GABARAPL1: variants seen among roughly 807,000 people sequenced by gnomAD.
GABARAPL1 encodes the protein GABA type A receptor associated protein like 1, also known as gamma-aminobutyric acid receptor-associated protein-like 1.
In GABARAPL1, 4 loss-of-function variants were observed where a neutral mutation model predicts 14.5. That is an observed-to-expected ratio of 0.28 (90% CI 0.14 to 0.63). The LOEUF is 0.63. Ranked by LOEUF, GABARAPL1 falls within the 30% of genes least tolerant of loss-of-function variation. GABARAPL1 has a pLI of 0.84. For synonymous variants in GABARAPL1, 47 were observed against 50.6 expected (o/e 0.93, Z 0.30); for missense variants, 82 against 139.2 (o/e 0.59, Z 2.07).
At chr12:10,218,603 A>G (rs2137589435) in intron 2 of GABARAPL1, among the ~76,000 whole-genome samples, 1 of 152,244 alleles carries the variant, frequency 6.6e-6, no homozygotes, top group East Asian at 1.9e-4. Flanking sequence ...GTTCTTTCCC[A>G]TCACCATGTC....
rs561133615 is a variant in GABARAPL1 at position 10,220,638 on chromosome 12, T to A, written c.288+80T>A. ...CTAGCCCTTGTTCTAGATGCGTTGA[T>A]AACACATCTGAGAAGTGGGGCAGAA... On this transcript the variant is annotated intron_variant, in intron 3 of 3. Coordinates refer to ENST00000266458, the MANE Select transcript of GABARAPL1 (RefSeq NM_031412.4). 3,672 of 1,601,830 alleles carry A rather than the reference T, an allele frequency of 2.3e-3. 15 individuals are homozygous for A. The highest frequency in any genetic ancestry group is 2.3e-3 in the Non-Finnish European group (2,652 of 1,173,288).
rs780977650 is a variant in GABARAPL1, at chr12:10,221,806, A to G, written c.308A>G (p.Tyr103Cys). 4 of 1,613,888 alleles carry G rather than the reference A, an allele frequency of 2.5e-6. No individual in the cohort carries two copies. Among genetic ancestry groups the G allele is most frequent in the East Asian group, 2.2e-5 (1 of 44,876 alleles). Reference sequence around the variant, plus strand: ...CCCTAGGACAATCATGAGGAAGACTATTTTCTGTATGTGGCCTACAGTGAT... The same window carrying G: ...CCCTAGGACAATCATGAGGAAGACTGTTTTCTGTATGTGGCCTACAGTGAT... The part of the protein sequence containing the change: ...QLYEDNHEED[Y>C]FLYVAYSDES... Residue 103 changes from tyrosine to cysteine, a missense_variant, in exon 4 of 4, where the codon TAT (tyrosine) becomes TGT (cysteine). This residue lies in a region of GABARAPL1 where 65 missense variants were observed against 103.7 expected (regional missense o/e 0.63). Coordinates refer to ENST00000266458, the MANE Select transcript of GABARAPL1 (RefSeq NM_031412.4).
At chr12:10,220,667 G>T (rs2137591671) in intron 3 of GABARAPL1, 109 bp downstream of exon 3, 1 of 1,568,024 alleles carries the variant, frequency 6.4e-7, no homozygotes, top group East Asian at 2.4e-5. Context: ...GGCAGAAGGT[G>T]TTATTTATCC....
chr12:10,221,167 C>A, intron 3 of GABARAPL1: 1 of 969,876 alleles, frequency 1.0e-6, no homozygotes, highest in Non-Finnish European at 1.2e-6. Context: ...ATTATCTGGG[C>A]ACAATGAATC....
chr12:10,214,028 C>T, intron 1 of GABARAPL1: 1 of 348,516 alleles, frequency 2.9e-6, no homozygotes, highest in Non-Finnish European at 6.0e-6. Context: ...GCGTTTTCCC[C>T]ATTACCCCCT....
intron 2 of GABARAPL1, among the ~76,000 whole-genome samples, chr12:10,219,766 G>A (rs960042211): frequency 6.6e-6 from 1 of 151,974 alleles, no homozygotes; most frequent in Non-Finnish European, 1.5e-5. Flanking sequence ...TCGCCATTGC[G>A]CTTTCAGCCT....
intron 3 of GABARAPL1, 90 bp from the exon 4 acceptor site, chr12:10,221,697 T>C: frequency 1.4e-6 from 2 of 1,431,132 alleles, no homozygotes; most frequent in Non-Finnish European, 1.9e-6. Context: ...ATACCTTCCA[T>C]ACCTGCTTTA....
Position 10,220,566 on chromosome 12 carries a change from T to C in GABARAPL1, c.288+8T>C. 1 of 1,614,050 alleles carries C rather than the reference T, an allele frequency of 6.2e-7. No homozygotes were observed. Among genetic ancestry groups the C allele is most frequent in the Non-Finnish European group, 8.5e-7 (1 of 1,179,970 alleles). On this transcript the variant is annotated splice_region_variant and intron_variant, in intron 3 of 3. Coordinates refer to ENST00000266458, the MANE Select transcript of GABARAPL1 (RefSeq NM_031412.4). ...ATGGGCCAACTGTATGAGGTAATGGTTCTGGTTGCACAATACTGGATGCCG... is the reference window on the plus strand; with the variant it reads ...ATGGGCCAACTGTATGAGGTAATGGCTCTGGTTGCACAATACTGGATGCCG...
At chr12:10,216,476 G>A (rs1424933021) in intron 1 of GABARAPL1, among the ~76,000 whole-genome samples, 3 of 147,706 alleles carry the variant, frequency 2.0e-5, no homozygotes, top group Non-Finnish European at 3.0e-5. Context: ...TTTTTTCTGC[G>A]TCTTCACTTT....
rs769039978 is a variant in GABARAPL1, at chr12:10,218,100, A to T, written c.128A>T (p.Asp43Val). 2.5e-5 allele frequency: 41 copies of T among 1,611,374 alleles called. No homozygotes were observed. The highest frequency in any genetic ancestry group is 4.0e-5 in the African/African-American group (3 of 74,830). Reference sequence around the variant, plus strand: ...AAGGCTCCAAAAGCCAGGGTGCCTGATCTGGACAAGAGGAAGTACCTAGTG... The same window carrying T: ...AAGGCTCCAAAAGCCAGGGTGCCTGTTCTGGACAAGAGGAAGTACCTAGTG... The part of the protein sequence containing the change: ...VEKAPKARVP[D>V]LDKRKYLVPS... Residue 43 changes from aspartate (D) to valine (V), a missense_variant, in exon 2 of 4, where the codon GAT becomes GTT. Transcript: ENST00000266458.
rs1343407650 is a variant in GABARAPL1, at chr12:10,220,542, T to C, written c.272T>C (p.Met91Thr). The C allele has an allele frequency of 1.9e-6, 3 of 1,613,996 alleles. No individual in the cohort carries two copies. The highest frequency in any genetic ancestry group is 1.3e-5 in the African/African-American group (1 of 74,924). ...ACCATCCCTCCCACCAGTGCTACCA[T>C]GGGCCAACTGTATGAGGTAATGGTT... The part of the protein sequence containing the change: ...NNTIPPTSAT[M>T]GQLYEDNHEE... The change falls in exon 3 of 4, where the codon ATG becomes ACG. Residue 91 changes from methionine to threonine, a missense_variant. Met to Thr is a moderately conservative substitution (Grantham distance 81, BLOSUM62 -1). This residue lies in a region of GABARAPL1 where 65 missense variants were observed against 103.7 expected (regional missense o/e 0.63). Transcript: ENST00000266458.
rs980023080 is a variant in GABARAPL1, at chr12:10,212,950, C to T, written c.-180C>T. On this transcript the variant is annotated 5_prime_UTR_variant, in exon 1 of 4. Transcript: ENST00000266458. ...TGGCTCTCCTCTACCTCCAGGCAGG[C>T]TCACCCGAGATCCCCGCCCCGAACC... The T allele has an allele frequency of 3.4e-6, 2 of 587,190 alleles. No homozygotes were observed. Among genetic ancestry groups the T allele is most frequent in the Non-Finnish European group, 3.1e-6 (1 of 324,178 alleles). 36.4% of individuals were successfully genotyped at this position (587,190 alleles called of 1,614,324 possible). A position where few individuals can be genotyped will look rare whatever the true frequency, so the allele number is the denominator to read the frequency against.
chr12:10,216,048 C>G (rs1390927510), intron 1 of GABARAPL1, among the ~76,000 whole-genome samples: 1 of 151,970 alleles, frequency 6.6e-6, no homozygotes, highest in Non-Finnish European at 1.5e-5. Flanking sequence ...CATATCAATA[C>G]CATGACTTTG....
chr12:10,215,194 T>G (rs1949080868), intron 1 of GABARAPL1, among the ~76,000 whole-genome samples: 1 of 152,138 alleles, frequency 6.6e-6, no homozygotes, highest in South Asian at 2.1e-4. Context: ...AAAAGAGGGT[T>G]AGAGTAATGA....
Position 10,220,562 on chromosome 12 carries a change from A to C in GABARAPL1, c.288+4A>C. 6.2e-7 allele frequency: 1 copy of C among 1,614,050 alleles called. No homozygotes were observed. Among genetic ancestry groups the C allele is most frequent in the Non-Finnish European group, 8.5e-7 (1 of 1,179,960 alleles). On this transcript the variant is annotated splice_donor_region_variant and intron_variant, in intron 3 of 3. Coordinates refer to ENST00000266458, the MANE Select transcript of GABARAPL1 (RefSeq NM_031412.4). ...TACCATGGGCCAACTGTATGAGGTA[A>C]TGGTTCTGGTTGCACAATACTGGAT...
chr12:10,219,843 C>T (rs920902171), intron 2 of GABARAPL1, among the ~76,000 whole-genome samples: 1 of 152,090 alleles, frequency 6.6e-6, no homozygotes, highest in African/African-American at 2.4e-5. Context: ...CATCGTGATC[C>T]TTAATGGAAT....
chr12:10,221,993 C>T lies in GABARAPL1; in HGVS notation c.*141C>T. On this transcript the variant is annotated 3_prime_UTR_variant, in exon 4 of 4. Transcript: ENST00000266458. ...ATCTAGAAACATTACACCACACACA[C>T]CGTCATCACATTTTCACATGCTCAA... 1 of 691,914 alleles carries T rather than the reference C, an allele frequency of 1.4e-6. No individual in the cohort carries two copies. Among genetic ancestry groups the T allele is most frequent in the South Asian group, 1.7e-5 (1 of 60,560 alleles). 42.9% of individuals were successfully genotyped at this position (691,914 alleles called of 1,614,324 possible).
At chr12:10,216,545 T>C (rs1474221980) in intron 1 of GABARAPL1, among the ~76,000 whole-genome samples, 5 of 149,802 alleles carry the variant, frequency 3.3e-5, no homozygotes, top group African/African-American at 1.2e-4. Flanking sequence ...TTCTTTTTTT[T>C]TTTTTTTTTT....
chr12:10,219,551 C>T (rs1949109074), intron 2 of GABARAPL1, among the ~76,000 whole-genome samples: 1 of 152,086 alleles, frequency 6.6e-6, no homozygotes, highest in African/African-American at 2.4e-5. Context: ...CCTGTAATCC[C>T]AGCACTTTGG....
Sources: allele counts gnomAD v4.1 joint callset (sites outside exome capture counted in the v4.1 genomes callset), GRCh38; gene constraint gnomAD v4.1.1; regional missense constraint gnomAD v4.1.1; transcripts MANE v1.5; gene names NCBI Gene and HGNC (gene_info 2026-07-23, HGNC 2026-07-21).